ABI3: variants seen among roughly 807,000 people sequenced by gnomAD.
ABI3 encodes the protein ABI gene family member 3.
In ABI3, 24 loss-of-function variants were observed where a neutral mutation model predicts 37.0. That is an observed-to-expected ratio of 0.65 (90% CI 0.47 to 0.91). ABI3 has a LOEUF of 0.91. Ranked by LOEUF, ABI3 falls within the 40% of genes least tolerant of loss-of-function variation. The pLI is 0.00. For synonymous variants in ABI3, 220 were observed against 211.8 expected (o/e 1.04, Z -0.34); for missense variants, 481 against 485.1 (o/e 0.99, Z 0.08).
chr17:49,218,944 A>G (rs1015547127), intron 3 of ABI3, among the ~76,000 whole-genome samples: 1 of 151,946 alleles, frequency 6.6e-6, no homozygotes, highest in African/African-American at 2.4e-5. Context: ...GCTTCAGCTC[A>G]AATCTCTTTT....
At chr17:49,213,362 G>A (rs1244849869) in intron 1 of ABI3, among the ~76,000 whole-genome samples, 21 of 152,184 alleles carry the variant, frequency 1.4e-4, no homozygotes, top group Admixed American at 1.4e-3. Context: ...CACACAACTT[G>A]TTACCTTTCC....
Position 49,219,772 on chromosome 17 carries a change from C to T in ABI3, c.549-86C>T. 1 of 1,453,952 alleles carries T rather than the reference C, an allele frequency of 6.9e-7. No individual in the cohort carries two copies. Among genetic ancestry groups the T allele is most frequent in the South Asian group, 1.2e-5 (1 of 82,130 alleles). 90.1% of individuals were successfully genotyped at this position (1,453,952 alleles called of 1,614,324 possible). On this transcript the variant is annotated intron_variant, in intron 4 of 7. Transcript: ENST00000225941. This position sits in a 1 kb window ranked among gnomAD's most constrained non-coding sequence, Gnocchi z 4.3. The stretch of plus-strand genomic sequence containing the variant: ...CCTGGCGCCAAACCTCCCCCTCGGC[C>T]ACCTGCCCTTCCTGCTCGCACCCGA...
In ABI3 at chr17:49,210,871, C is replaced by T. The variant is rs1265450636; in HGVS notation, c.117+30C>T. The T allele has an allele frequency of 1.3e-6, 2 of 1,526,036 alleles. No homozygotes were observed. The highest frequency in any genetic ancestry group is 3.9e-5 in the Admixed American group (2 of 50,648). The allele number at this position is 1,526,036 out of a possible 1,614,324, so 94.5% of individuals were successfully genotyped here. The stretch of plus-strand genomic sequence containing the variant: ...GTAGAGCGGGCGGAAGCCTGACACC[C>T]CAGCCCCCGGAGGGGGGACCCTGAG... On this transcript the variant is annotated intron_variant, in intron 1 of 7. Coordinates refer to ENST00000225941, the MANE Select transcript of ABI3 (RefSeq NM_016428.3). The surrounding 1 kb of genome is among the most constrained non-coding windows in gnomAD (Gnocchi z 4.2).
Position 49,219,761 on chromosome 17 carries a change from T to TC in ABI3, c.549-92dup, listed in dbSNP as rs1249057987. 11 of 1,419,946 alleles carry TC rather than the reference T, an allele frequency of 7.7e-6. No individual in the cohort carries two copies. The highest frequency in any genetic ancestry group is 1.1e-5 in the Non-Finnish European group (11 of 1,042,492). 88.0% of individuals were successfully genotyped at this position (1,419,946 alleles called of 1,614,324 possible). ...CATGCTGGATGCCTGGCGCCAAACC[T>TC]CCCCCTCGGCCACCTGCCCTTCCTG... is the stretch of plus-strand genomic sequence containing the variant. On this transcript the variant is annotated intron_variant, in intron 4 of 7. Transcript: ENST00000225941. The surrounding 1 kb of genome is among the most constrained non-coding windows in gnomAD (Gnocchi z 4.3).
In ABI3 at chr17:49,210,841, G is replaced by T; in HGVS notation, c.117G>T (p.Gln39His). Residue 39 changes from glutamine to histidine, a missense_variant and splice_region_variant, in exon 1 of 8, where the codon CAG becomes CAT. Coordinates refer to ENST00000225941, the MANE Select transcript of ABI3 (RefSeq NM_016428.3). The surrounding 1 kb of genome is among the most constrained non-coding windows in gnomAD (Gnocchi z 4.2). ...ACTACTGCGAGGACAACTATGTGCA[G>T]GTAGGTAGAGCGGGCGGAAGCCTGA... ...VADYCEDNYVQATDKRKALEE... is the reference protein window; with the variant it reads ...VADYCEDNYVHATDKRKALEE... 1.9e-6 allele frequency: 3 copies of T among 1,548,142 alleles called. No homozygotes were observed. The highest frequency in any genetic ancestry group is 1.8e-6 in the Non-Finnish European group (2 of 1,142,770).
intron 1 of ABI3, among the ~76,000 whole-genome samples, chr17:49,212,668 A>G (rs1009571): frequency 0.068 from 10,394 of 152,180 alleles, 571 homozygotes; most frequent in East Asian, 0.2. Context: ...GAGGAAGCTG[A>G]GGTTTGGAAA....
At position 49,220,336 on chromosome 17, in the gene ABI3, T is replaced by G. The variant is rs1227737912; in HGVS notation, c.802+10T>G. On this transcript the variant is annotated intron_variant, in intron 6 of 7. Transcript: ENST00000225941. ...TCCCCACCCCCACCGGGTAAGGAGGTCCACCCTCTTCTTCCCAACCGTGGG... is the reference window on the plus strand; with the variant it reads ...TCCCCACCCCCACCGGGTAAGGAGGGCCACCCTCTTCTTCCCAACCGTGGG... The G allele has an allele frequency of 6.4e-7, 1 of 1,566,734 alleles. No homozygotes were observed. Among genetic ancestry groups the G allele is most frequent in the South Asian group, 1.2e-5 (1 of 85,774 alleles).
At chr17:49,218,001 GT>G in intron 3 of ABI3, 86 bp downstream of exon 3, 2 of 1,334,586 alleles carry the variant, frequency 1.5e-6, no homozygotes, top group Non-Finnish European at 2.0e-6. Flanking sequence ...AGTTCTGCAA[GT>G]TTTGTCCCCA....
rs770714352 is a variant in ABI3, at chr17:49,216,663, C to A, written c.250C>A (p.Arg84=). Residue 84 remains arginine, a synonymous_variant, in exon 2 of 8, where the codon CGG becomes AGG. Transcript: ENST00000225941. ...RMLDLQGAAL[R]QVEARVSTLG... ...GTTGGACCTGCAGGGGGCCGCCCTG[C>A]GGCAGGTGGAAGCCCGTGTAAGCAC... The A allele has an allele frequency of 6.2e-7, 1 of 1,602,602 alleles. No individual in the cohort carries two copies. The highest frequency in any genetic ancestry group is 1.3e-5 in the African/African-American group (1 of 74,492).
chr17:49,217,849 T>C lies in ABI3; in HGVS notation c.396T>C (p.Pro132=). ...TCATCGCCCCAGAGAACCTACCCCC[T>C]CTCACGCCCTACTGCAGGAGACCCC... ...QKVIAPENLP[P]LTPYCRRPLN... is the part of the protein sequence containing the mutation. The change falls in exon 3 of 8, where the codon CCT becomes CCC. Residue 132 remains proline (P), a synonymous_variant. Coordinates refer to ENST00000225941, the MANE Select transcript of ABI3 (RefSeq NM_016428.3). The C allele has an allele frequency of 1.2e-6, 2 of 1,604,578 alleles. No individual in the cohort carries two copies.
At position 49,220,259 on chromosome 17, in the gene ABI3, T is replaced by A; in HGVS notation, c.735T>A (p.Pro245=). 4 of 1,609,612 alleles carry A rather than the reference T, an allele frequency of 2.5e-6. No homozygotes were observed. The highest frequency in any genetic ancestry group is 2.5e-6 in the Non-Finnish European group (3 of 1,178,630). Residue 245 remains proline (P), a synonymous_variant, in exon 6 of 8, where the codon CCT becomes CCA. Coordinates refer to ENST00000225941, the MANE Select transcript of ABI3 (RefSeq NM_016428.3). ...PPLPSSLDPP[P]PPAAVEVFQR... ...TCCCCAGCTCCTTGGACCCACCTCC[T>A]CCACCAGCAGCCGTCGAGGTGTTCC...
At chr17:49,220,862 AAT>A (rs375734704) in intron 6 of ABI3, among the ~76,000 whole-genome samples, 2,327 of 142,196 alleles carry the variant, frequency 0.016, 63 homozygotes, top group African/African-American at 0.058. Context: ...TAATAATAAT[AAT>A]AATAATAATA....
chr17:49,220,444 G>C, intron 6 of ABI3, 118 bp downstream of exon 6: 1 of 1,339,294 alleles, frequency 7.5e-7, no homozygotes, highest in Non-Finnish European at 1.0e-6. Context: ...CTCCTCCAAG[G>C]AGCGCAGCAC....
rs2043260763 is a variant in ABI3 at position 49,219,753 on chromosome 17, G to C, written c.549-105G>C. ...CAGGCCGTCATGCTGGATGCCTGGC[G>C]CCAAACCTCCCCCTCGGCCACCTGC... On this transcript the variant is annotated intron_variant, in intron 4 of 7. Coordinates refer to ENST00000225941, the MANE Select transcript of ABI3 (RefSeq NM_016428.3). This position sits in a 1 kb window ranked among gnomAD's most constrained non-coding sequence, Gnocchi z 4.3. The C allele has an allele frequency of 1.4e-6, 2 of 1,422,566 alleles. No individual in the cohort carries two copies. Among genetic ancestry groups the C allele is most frequent in the East Asian group, 2.5e-5 (1 of 40,278 alleles). The allele number at this position is 1,422,566 out of a possible 1,614,324, so 88.1% of individuals were successfully genotyped here. A position where few individuals can be genotyped will look rare whatever the true frequency, so the allele number is the denominator to read the frequency against.
Position 49,217,810 on chromosome 17 carries a change from C to T in ABI3, c.357C>T (p.Pro119=). 6.2e-7 allele frequency: 1 copy of T among 1,611,148 alleles called. No individual in the cohort carries two copies. The highest frequency in any genetic ancestry group is 8.5e-7 in the Non-Finnish European group (1 of 1,178,718). ...CCTTAGCCACTGTCCAGCGGCTGCC[C>T]CCCGGCCAGAAGGTCATCGCCCCAG... ...IGTLATVQRL[P]PGQKVIAPEN... is the part of the protein sequence containing the mutation. Residue 119 remains proline (P), a synonymous_variant, in exon 3 of 8, where the codon CCC becomes CCT. Transcript: ENST00000225941.
chr17:49,214,839 A>G (rs1008659106), intron 1 of ABI3, among the ~76,000 whole-genome samples: 5 of 152,228 alleles, frequency 3.3e-5, no homozygotes, highest in Non-Finnish European at 7.3e-5. Context: ...TGCCCAGAGA[A>G]TGTTTGGGTT....
intron 1 of ABI3, among the ~76,000 whole-genome samples, chr17:49,216,115 A>G (rs1196481443): frequency 3.9e-5 from 1 of 25,478 alleles, no homozygotes; most frequent in Middle Eastern, 0.017. Flanking sequence ...CCATCTCAGA[A>G]AAAAAAAAAA....
In ABI3 at chr17:49,217,883, G is replaced by C. The variant is rs2043238710; in HGVS notation, c.430G>C (p.Gly144Arg). Residue 144 changes from glycine (G) to arginine (R), a missense_variant, in exon 3 of 8, where the codon GGC becomes CGC. Gly to Arg is a moderately radical substitution (Grantham distance 125, BLOSUM62 -2). Transcript: ENST00000225941. ...CTACTGCAGGAGACCCCTCAACTTTGGCTGCCTGGACGACATTGGCCATGG... is the reference window on the plus strand; with the variant it reads ...CTACTGCAGGAGACCCCTCAACTTTCGCTGCCTGGACGACATTGGCCATGG... Reference protein sequence around the residue: ...TPYCRRPLNFGCLDDIGHGIK... With the variant: ...TPYCRRPLNFRCLDDIGHGIK... The C allele has an allele frequency of 1.9e-6, 3 of 1,577,592 alleles. No homozygotes were observed. The African/African-American group carries it at 4.1e-5, about 22-fold the overall frequency.
intron 6 of ABI3, 137 bp from the exon 7 acceptor site, chr17:49,221,954 G>C: frequency 8.2e-7 from 1 of 1,217,146 alleles, no homozygotes; most frequent in Non-Finnish European, 1.1e-6. Context: ...CCTGGCCTCA[G>C]GTGATCTGCC....
Sources: allele counts gnomAD v4.1 joint callset (sites outside exome capture counted in the v4.1 genomes callset), GRCh38; gene constraint gnomAD v4.1.1; non-coding constraint Gnocchi (gnomAD v3.1); transcripts MANE v1.5; gene names NCBI Gene and HGNC (gene_info 2026-07-23, HGNC 2026-07-21).